The following RASSF3 variants were observed in gnomAD, a reference collection of about 807,000 sequenced individuals.
RASSF3 encodes the protein Ras association domain family member 3, also known as ras association domain-containing protein 3.
A neutral mutation model predicts 19.9 loss-of-function variants in RASSF3; 19 were observed. The ratio of observed to expected loss-of-function variants is 0.96; its 90% CI spans 0.67 to 1.40. RASSF3 has a LOEUF of 1.40. Among genes scored for constraint, RASSF3 ranks in the 40% most tolerant of loss-of-function variants. The pLI, the probability that RASSF3 is intolerant of heterozygous loss-of-function variation, is 0.00. For synonymous variants in RASSF3, 110 were observed against 104.2 expected (o/e 1.06, Z -0.34); for missense variants, 306 against 289.8 (o/e 1.06, Z -0.41).
intron 1 of RASSF3, among the ~76,000 whole-genome samples, chr12:64,534,322 G>A (rs1868776676): frequency 6.6e-6 from 1 of 151,770 alleles, no homozygotes; most frequent in Non-Finnish European, 1.5e-5. Flanking sequence ...CTACAACAAC[G>A]ACACTAACAA....
intron 1 of RASSF3, among the ~76,000 whole-genome samples, chr12:64,646,308 A>G (rs546694845): frequency 2.0e-5 from 3 of 152,146 alleles, no homozygotes; most frequent in Non-Finnish European, 4.4e-5. Flanking sequence ...ACTGTGTTAG[A>G]CTGACGTACA....
chr12:64,674,082 G>A (rs950398399), intron 1 of RASSF3, among the ~76,000 whole-genome samples: 4 of 152,102 alleles, frequency 2.6e-5, no homozygotes, highest in Admixed American at 1.3e-4. Flanking sequence ...AACATGCTGG[G>A]CCTGTTCCTG....
At chr12:64,607,498 T>TC (rs1592415807), upstream of RASSF3, among the ~76,000 whole-genome samples, 1 of 151,872 alleles carries the variant, frequency 6.6e-6, no homozygotes, top group South Asian at 2.1e-4. Context: ...GCCTCCCGAA[T>TC]AGCTGGGACA....
chr12:64,674,910 TCTCTCTTG>T (rs1008607116), intron 1 of RASSF3, among the ~76,000 whole-genome samples: 2 of 152,112 alleles, frequency 1.3e-5, no homozygotes, highest in African/African-American at 4.8e-5. Context: ...GTGCACTCTT[TCTCTCTTG>T]CTCTCTTGTT....
intron 1 of RASSF3, among the ~76,000 whole-genome samples, chr12:64,619,527 T>C (rs1296446157): frequency 6.6e-6 from 1 of 152,142 alleles, no homozygotes; most frequent in Non-Finnish European, 1.5e-5. Context: ...AATTTACTAA[T>C]TATATATTGC....
intron 1 of RASSF3, among the ~76,000 whole-genome samples, chr12:64,512,786 A>G (rs1592384177): frequency 6.6e-6 from 1 of 152,224 alleles, no homozygotes; most frequent in East Asian, 1.9e-4. Context: ...GCACTGCTCT[A>G]ATGAGCAATC....
chr12:64,565,945 A>G (rs1211109506), intron 2 of RASSF3, among the ~76,000 whole-genome samples: 5 of 151,784 alleles, frequency 3.3e-5, no homozygotes, highest in African/African-American at 1.2e-4. Context: ...TCACGCCTAT[A>G]ATCACAGCAC....
At chr12:64,635,969 G>A (rs576907606) in intron 1 of RASSF3, among the ~76,000 whole-genome samples, 8 of 152,248 alleles carry the variant, frequency 5.3e-5, no homozygotes, top group Admixed American at 2.0e-4. Flanking sequence ...CTGAAATTCC[G>A]AAACTATATT....
intron 2 of RASSF3, among the ~76,000 whole-genome samples, chr12:64,579,920 T>C (rs1869662706): frequency 6.6e-6 from 1 of 151,604 alleles, no homozygotes. Context: ...GTTCAAGAGA[T>C]TCTCCTGCCT....
At chr12:64,544,092 C>T (rs1939756837), downstream of RASSF3, among the ~76,000 whole-genome samples, 1 of 152,084 alleles carries the variant, frequency 6.6e-6, no homozygotes, top group Non-Finnish European at 1.5e-5. Flanking sequence ...GGGTCCCGTT[C>T]CGCACAGTTC....
At chr12:64,587,319 A>T (rs997988886) in intron 2 of RASSF3, among the ~76,000 whole-genome samples, 1 of 151,972 alleles carries the variant, frequency 6.6e-6, no homozygotes, top group African/African-American at 2.4e-5. Flanking sequence ...AGCCTCCCAA[A>T]GTGCTGGGAT....
intron 1 of RASSF3, among the ~76,000 whole-genome samples, chr12:64,681,317 A>C: frequency 6.6e-6 from 1 of 152,008 alleles, no homozygotes. Context: ...TTGTGAAAGC[A>C]CCTCCACATC....
intron 2 of RASSF3, among the ~76,000 whole-genome samples, chr12:64,577,170 C>T (rs1048228318): frequency 6.6e-6 from 1 of 152,144 alleles, no homozygotes; most frequent in South Asian, 2.1e-4. Flanking sequence ...AAACGCTACT[C>T]GGCTGAGTTT....
intron 4 of RASSF3, among the ~76,000 whole-genome samples, chr12:64,691,800 C>T (rs1016712524): frequency 8.7e-6 from 1 of 115,300 alleles, no homozygotes; most frequent in Admixed American, 9.7e-5. Flanking sequence ...TCTCTCACAA[C>T]CTTATATTAT....
intron 2 of RASSF3, among the ~76,000 whole-genome samples, chr12:64,687,198 C>G (rs1002679937): frequency 6.6e-6 from 1 of 152,008 alleles, no homozygotes; most frequent in African/African-American, 2.4e-5. Context: ...GACGGGATTT[C>G]ACCCTGTTGG....
chr12:64,585,001 T>C (rs903239741), intron 2 of RASSF3, among the ~76,000 whole-genome samples: 16 of 147,610 alleles, frequency 1.1e-4, no homozygotes, highest in African/African-American at 4.0e-4. Flanking sequence ...TTCTCCTGCC[T>C]CAGCCTCCTG....
chr12:64,602,101 A>C (rs1870102553), intron 2 of RASSF3, among the ~76,000 whole-genome samples: 1 of 149,258 alleles, frequency 6.7e-6, no homozygotes, highest in Admixed American at 6.7e-5. Flanking sequence ...TGGGTGACAG[A>C]GCGACTTCGT....
chr12:64,650,948 C>CT (rs1379278774), intron 1 of RASSF3, among the ~76,000 whole-genome samples: 3 of 152,160 alleles, frequency 2.0e-5, no homozygotes, highest in Admixed American at 2.0e-4. Context: ...ATGGCTGGCT[C>CT]TTTGCCTTTT....
chr12:64,608,124 T>C (rs986895410), upstream of RASSF3, among the ~76,000 whole-genome samples: 7 of 152,020 alleles, frequency 4.6e-5, no homozygotes, highest in African/African-American at 1.5e-4. Context: ...CTCACTATGT[T>C]GGTCAGGCTG....
Sources: gnomAD v4.1 joint callset for allele counts (sites outside exome capture counted in the v4.1 genomes callset) on GRCh38, gnomAD v4.1.1 for gene constraint, MANE v1.5 for transcripts, NCBI Gene and HGNC (gene_info 2026-07-23, HGNC 2026-07-21) for gene names.